Variants in HLCS observed in about 807,000 individuals in gnomAD.
The protein encoded by HLCS is biotin--protein ligase.
A neutral mutation model predicts 75.0 loss-of-function variants in HLCS; 53 were observed. That is an observed-to-expected ratio of 0.71 (90% CI 0.57 to 0.89). The LOEUF is 0.89. Among genes scored for constraint, HLCS ranks in the 40% least tolerant of loss-of-function variants. HLCS has a pLI of 0.00. For synonymous variants in HLCS, 431 were observed against 428.6 expected, an observed-to-expected ratio of 1.01 and a Z score of -0.07; for missense variants, 966 against 1,074.0, an observed-to-expected ratio of 0.90 and a Z score of 1.41.
intron 6 of HLCS, among the ~76,000 whole-genome samples, chr21:36,772,979 CA>C (rs35402890): frequency 0.057 from 5,880 of 103,426 alleles, 118 homozygotes; most frequent in Middle Eastern, 0.14. Flanking sequence ...GACTCCATCT[CA>C]AAAAAAAAAA....
At chr21:36,975,598 C>A (rs1468832123) in intron 1 of HLCS, among the ~76,000 whole-genome samples, 1 of 152,124 alleles carries the variant, frequency 6.6e-6, no homozygotes, top group South Asian at 2.1e-4. Flanking sequence ...CATAGTGAGA[C>A]CCCATCTCTA....
At chr21:36,760,526 T>C (rs1046325523) in intron 8 of HLCS, among the ~76,000 whole-genome samples, 1 of 150,428 alleles carries the variant, frequency 6.6e-6, no homozygotes, top group South Asian at 2.1e-4. Context: ...AGGAGAATTG[T>C]GCGAACCCGG....
At chr21:36,755,865 G>A (rs1347516835) in intron 10 of HLCS, among the ~76,000 whole-genome samples, 1 of 152,242 alleles carries the variant, frequency 6.6e-6, no homozygotes, top group Non-Finnish European at 1.5e-5. Flanking sequence ...GGTTGAGGCT[G>A]AGGCTGCTTC....
chr21:36,831,613 G>A (rs1478572179), intron 6 of HLCS, among the ~76,000 whole-genome samples: 1 of 152,182 alleles, frequency 6.6e-6, no homozygotes, highest in Non-Finnish European at 1.5e-5. Context: ...AACCTGGGAG[G>A]TGGAGGTTGC....
At chr21:36,984,599 G>A (rs1243456733) in intron 1 of HLCS, among the ~76,000 whole-genome samples, 3 of 152,210 alleles carry the variant, frequency 2.0e-5, no homozygotes, top group African/African-American at 7.2e-5. Context: ...CTAAGTGGGA[G>A]CTCAATAATG....
chr21:36,806,242 A>C (rs1348307125), intron 6 of HLCS: 1 of 152,578 alleles, frequency 6.6e-6, no homozygotes, highest in Non-Finnish European at 1.5e-5. Flanking sequence ...CATCTCAGGA[A>C]GCCAACACAC....
intron 10 of HLCS, among the ~76,000 whole-genome samples, chr21:36,756,053 T>C (rs965210655): frequency 6.6e-6 from 1 of 152,196 alleles, no homozygotes; most frequent in African/African-American, 2.4e-5. Context: ...TTACTTGTGA[T>C]GCTAACTTGG....
intron 5 of HLCS, 96 bp downstream of exon 5, chr21:36,930,155 C>A: frequency 8.7e-7 from 1 of 1,148,080 alleles, no homozygotes; most frequent in Non-Finnish European, 1.3e-6. Context: ...AATGGAAAAT[C>A]AAAACCAACC....
chr21:36,888,315 G>C (rs1055150910), intron 6 of HLCS, among the ~76,000 whole-genome samples: 2 of 151,308 alleles, frequency 1.3e-5, no homozygotes, highest in Non-Finnish European at 2.9e-5. Flanking sequence ...GGACTGACTA[G>C]GTAGGTGTGC....
At chr21:36,937,519 A>ACGGCTCCCAC in intron 3 of HLCS, 127 bp from the exon 4 acceptor site, 1 of 865,810 alleles carries the variant, frequency 1.2e-6, no homozygotes, top group South Asian at 1.5e-5. Flanking sequence ...AGCCTCTGGC[A>ACGGCTCCCAC]CGGCTCCCAC....
chr21:36,786,330 G>C (rs1050418361), intron 6 of HLCS, among the ~76,000 whole-genome samples: 1 of 151,430 alleles, frequency 6.6e-6, no homozygotes, highest in African/African-American at 2.4e-5. Flanking sequence ...ACCGCCAAAG[G>C]TGTCAGGAAA....
At chr21:36,817,938 T>A (rs539088767) in intron 6 of HLCS, among the ~76,000 whole-genome samples, 37 of 152,192 alleles carry the variant, frequency 2.4e-4, no homozygotes, top group Non-Finnish European at 5.0e-4. Flanking sequence ...GCAGCCAGGC[T>A]TAGGTCTGGG....
chr21:36,927,459 T>C (rs2066457628), intron 5 of HLCS, among the ~76,000 whole-genome samples: 3 of 152,246 alleles, frequency 2.0e-5, no homozygotes, highest in African/African-American at 7.2e-5. Context: ...AGCACATAAA[T>C]CTTCTGCGCT....
Position 36,936,952 on chromosome 21 carries a change from G to A in HLCS, c.934C>T (p.Leu312Phe). ...VNLTGKAPNI[L>F]LYVGSDSQEA... ...TGGGAGTCGGAGCCCACATAGAGGA[G>A]GATGTTGGGTGCCTTTCCCGTGAGG... Residue 312 changes from leucine (L) to phenylalanine (F), a missense_variant, in exon 4 of 11, where the codon CTC becomes TTC. Leu to Phe is a conservative substitution (Grantham distance 22). Transcript: ENST00000674895. 1 of 1,614,176 alleles carries A rather than the reference G, an allele frequency of 6.2e-7. No individual in the cohort carries two copies. The highest frequency in any genetic ancestry group is 8.5e-7 in the Non-Finnish European group (1 of 1,180,018).
At chr21:36,762,097 T>C (rs1193830051) in intron 8 of HLCS, among the ~76,000 whole-genome samples, 1 of 152,212 alleles carries the variant, frequency 6.6e-6, no homozygotes, top group Non-Finnish European at 1.5e-5. Context: ...GCTGCTGTGA[T>C]CCTCCCACAT....
intron 6 of HLCS, among the ~76,000 whole-genome samples, chr21:36,787,895 T>C (rs948578050): frequency 6.6e-6 from 1 of 152,202 alleles, no homozygotes; most frequent in Non-Finnish European, 1.5e-5. Context: ...CCTGTGCCGA[T>C]GACCAGACCC....
chr21:36,754,024 T>C lies in HLCS; in HGVS notation c.*222A>G. On this transcript the variant is annotated 3_prime_UTR_variant, in exon 11 of 11. Coordinates refer to ENST00000674895, the MANE Select transcript of HLCS (RefSeq NM_001352514.2). ...GCAATTTCCCACCTGTGGGAGGGCT[T>C]TCCCTAAACTAAATTTTCTACTTCT... The C allele has an allele frequency of 1.7e-6, 1 of 594,896 alleles. No individual in the cohort carries two copies. The highest frequency in any genetic ancestry group is 3.0e-6 in the Non-Finnish European group (1 of 338,028). The allele number at this position is 594,896 out of a possible 1,614,324, so 36.9% of individuals were successfully genotyped here.
At chr21:36,898,166 CCG>C (rs1160628621) in intron 5 of HLCS, among the ~76,000 whole-genome samples, 1 of 152,102 alleles carries the variant, frequency 6.6e-6, no homozygotes, top group East Asian at 1.9e-4. Flanking sequence ...GCATTCAGGT[CCG>C]CGCGCAGTGG....
chr21:36,896,234 C>CA (rs1214907003), intron 6 of HLCS, among the ~76,000 whole-genome samples: 1 of 152,178 alleles, frequency 6.6e-6, no homozygotes. Context: ...CCTATAGTCC[C>CA]AGCTACTTGG....
Sources: allele counts gnomAD v4.1 joint callset (sites outside exome capture counted in the v4.1 genomes callset), GRCh38; gene constraint gnomAD v4.1.1; transcripts MANE v1.5; gene names NCBI Gene and HGNC (gene_info 2026-07-23, HGNC 2026-07-21).